ZBTB7C: variants seen among roughly 807,000 people sequenced by gnomAD.
The protein encoded by ZBTB7C is zinc finger and BTB domain-containing protein 7C.
Under a neutral mutation model 25.7 loss-of-function variants are expected in ZBTB7C, and 8 were observed. That is an observed-to-expected ratio of 0.31 (90% confidence interval 0.18 to 0.56). The LOEUF (loss-of-function observed/expected upper bound fraction) is 0.56. Ranked by LOEUF, ZBTB7C falls within the 20% of genes least tolerant of loss-of-function variation. ZBTB7C has a pLI of 0.91. For synonymous variants in ZBTB7C, 394 were observed against 369.0 expected, an observed-to-expected ratio of 1.07 and a Z score of -0.78; for missense variants, 824 against 855.2, an observed-to-expected ratio of 0.96 and a Z score of 0.46.
intron 1 of ZBTB7C, among the ~76,000 whole-genome samples, chr18:48,399,339 T>C (rs1357044723): frequency 6.6e-6 from 1 of 152,210 alleles, no homozygotes; most frequent in Non-Finnish European, 1.5e-5. Context: ...ACCATGGAGG[T>C]GTTGACCTAT....
chr18:48,389,278 T>TGTGTGTGTGTGTG (rs2047838783), intron 1 of ZBTB7C, among the ~76,000 whole-genome samples: 1 of 119,908 alleles, frequency 8.3e-6, no homozygotes, highest in African/African-American at 3.1e-5. Flanking sequence ...TGTGTGTGTG[T>TGTGTGTGTGTGTG]TGGGCCTTGT....
intron 3 of ZBTB7C, among the ~76,000 whole-genome samples, chr18:48,117,680 T>G (rs1479360012): frequency 6.6e-6 from 1 of 152,224 alleles, no homozygotes; most frequent in Non-Finnish European, 1.5e-5. Context: ...CTCTTTTTAC[T>G]GTACAACAAA....
chr18:48,053,299 G>A (rs1211359515), intron 3 of ZBTB7C, among the ~76,000 whole-genome samples: 3 of 152,132 alleles, frequency 2.0e-5, no homozygotes, highest in Non-Finnish European at 4.4e-5. Flanking sequence ...CACAGGCCTT[G>A]CATGCGCGGG....
At chr18:48,166,378 A>G (rs1161829851) in intron 3 of ZBTB7C, among the ~76,000 whole-genome samples, 1 of 152,224 alleles carries the variant, frequency 6.6e-6, no homozygotes, top group Non-Finnish European at 1.5e-5. Context: ...TGGATGCTTC[A>G]TAGAAGAAGA....
chr18:48,295,973 C>T (rs573329082), intron 2 of ZBTB7C, among the ~76,000 whole-genome samples: 12 of 152,320 alleles, frequency 7.9e-5, no homozygotes, highest in South Asian at 6.2e-4. Context: ...GCTAGGATCC[C>T]GGGCTCGGTC....
chr18:48,116,165 G>A (rs371694132), intron 3 of ZBTB7C, among the ~76,000 whole-genome samples: 1 of 151,930 alleles, frequency 6.6e-6, no homozygotes, highest in African/African-American at 2.4e-5. Flanking sequence ...ATGCTCCCTG[G>A]TGCCCTATGT....
At chr18:48,164,871 C>T (rs965475542) in intron 3 of ZBTB7C, among the ~76,000 whole-genome samples, 1 of 152,128 alleles carries the variant, frequency 6.6e-6, no homozygotes, top group Non-Finnish European at 1.5e-5. Context: ...CACGAGCCCC[C>T]ACCCCCTACA....
chr18:48,102,623 G>A (rs1417058621), intron 3 of ZBTB7C, among the ~76,000 whole-genome samples: 2 of 151,362 alleles, frequency 1.3e-5, no homozygotes, highest in Non-Finnish European at 2.9e-5. Context: ...AGTAGACAGG[G>A]CATGCTGAAC....
intron 3 of ZBTB7C, among the ~76,000 whole-genome samples, chr18:48,051,724 C>G (rs1017363618): frequency 6.6e-6 from 1 of 152,122 alleles, no homozygotes; most frequent in African/African-American, 2.4e-5. Flanking sequence ...TGGCCTCAGT[C>G]ACAAAGTGAG....
chr18:48,103,084 A>G (rs1173057531), intron 3 of ZBTB7C, among the ~76,000 whole-genome samples: 2 of 127,026 alleles, frequency 1.6e-5, no homozygotes, highest in Non-Finnish European at 3.2e-5. Context: ...TATATTATAT[A>G]TATCTTATAT....
At chr18:48,402,739 T>C (rs1332529173) in intron 1 of ZBTB7C, among the ~76,000 whole-genome samples, 4 of 152,174 alleles carry the variant, frequency 2.6e-5, no homozygotes, top group Non-Finnish European at 4.4e-5. Flanking sequence ...TGTGTTTATG[T>C]GTATATGTGC....
intron 2 of ZBTB7C, among the ~76,000 whole-genome samples, chr18:48,299,025 G>T (rs11665329): frequency 0.092 from 14,065 of 152,054 alleles, 876 homozygotes; most frequent in Non-Finnish European, 0.12. Context: ...AGACACAAGC[G>T]CCCAGTCCTG....
intron 2 of ZBTB7C, among the ~76,000 whole-genome samples, chr18:48,329,948 G>A (rs187894787): frequency 5.9e-4 from 90 of 152,238 alleles, no homozygotes; most frequent in African/African-American, 2.0e-3. Context: ...TTACACTTGC[G>A]GACAGCAAGG....
intron 3 of ZBTB7C, among the ~76,000 whole-genome samples, chr18:48,091,238 AT>A (rs35051690): frequency 0.28 from 18,191 of 64,602 alleles, 1,501 homozygotes; most frequent in South Asian, 0.4. Context: ...TGCCCGGATA[AT>A]TTTTTTTTTT....
chr18:48,265,410 C>T (rs555256036), intron 2 of ZBTB7C, among the ~76,000 whole-genome samples: 5 of 152,272 alleles, frequency 3.3e-5, no homozygotes, highest in South Asian at 2.1e-4. Flanking sequence ...AGCTAGAACA[C>T]GGGAGTTCAA....
intron 2 of ZBTB7C, among the ~76,000 whole-genome samples, chr18:48,235,426 T>C (rs1446724040): frequency 6.6e-6 from 1 of 152,218 alleles, no homozygotes; most frequent in South Asian, 2.1e-4. Flanking sequence ...GTAGAGCACT[T>C]TGTGCTCATT....
intron 1 of ZBTB7C, among the ~76,000 whole-genome samples, chr18:48,344,691 T>C (rs1427624826): frequency 6.6e-6 from 1 of 152,240 alleles, no homozygotes; most frequent in East Asian, 1.9e-4. Context: ...ATAATGCTTA[T>C]TGAGATAATG....
In ZBTB7C at chr18:48,047,594, A is replaced by G. The variant is rs555338740; in HGVS notation, c.-16-6471T>C. Among the ~76,000 whole-genome samples, 13 of 152,270 alleles carry G rather than the reference A, an allele frequency of 8.5e-5. No homozygotes were observed. In the South Asian group the frequency reaches 2.3e-3, roughly 27 times the overall value. On this transcript the variant is annotated intron_variant, in intron 3 of 4. Coordinates refer to ENST00000590800, the MANE Select transcript of ZBTB7C (RefSeq NM_001318841.2). Reference sequence around the variant, plus strand: ...GGACATCCCCTGGGCCTCTGCCTTCAGTGGAAGGTTCTAGAACCCGGGTAA... The same window carrying G: ...GGACATCCCCTGGGCCTCTGCCTTCGGTGGAAGGTTCTAGAACCCGGGTAA...
intron 3 of ZBTB7C, among the ~76,000 whole-genome samples, chr18:48,127,903 T>C (rs946680248): frequency 7.2e-5 from 11 of 152,296 alleles, no homozygotes; most frequent in Non-Finnish European, 1.6e-4. Flanking sequence ...GGCAGCAGAT[T>C]TGAGAACTCC....
Sources: gnomAD v4.1 joint callset for allele counts (sites outside exome capture counted in the v4.1 genomes callset) on GRCh38, gnomAD v4.1.1 for gene constraint, MANE v1.5 for transcripts, NCBI Gene and HGNC (gene_info 2026-07-23, HGNC 2026-07-21) for gene names.